ANKK1: variants seen among roughly 807,000 people sequenced by gnomAD.
ANKK1 encodes the protein ankyrin repeat and kinase domain containing 1.
A neutral mutation model predicts 37.6 loss-of-function variants in ANKK1; 37 were observed. The ratio of observed to expected loss-of-function variants is 0.98; its 90% CI spans 0.76 to 1.29. The LOEUF (loss-of-function observed/expected upper bound fraction) is 1.29. ANKK1 is among the 50% of genes most tolerant of loss of function. The pLI is 0.00. For missense variants in ANKK1, 1,019 were observed against 990.6 expected, an observed-to-expected ratio of 1.03 and a Z score of -0.39; for synonymous variants, 415 against 418.7, an observed-to-expected ratio of 0.99 and a Z score of 0.11.
At chr11:113,397,918 G>A (rs1467518725) in intron 6 of ANKK1, 62 bp from the exon 7 acceptor site, 6 of 1,526,262 alleles carry the variant, frequency 3.9e-6, no homozygotes, top group African/African-American at 1.4e-5. Flanking sequence ...AGGAGGGGAG[G>A]AGGGCACAGG....
chr11:113,393,915 A>C (rs1310304091), intron 2 of ANKK1, 140 bp downstream of exon 2: 1 of 1,079,382 alleles, frequency 9.3e-7, no homozygotes, highest in African/African-American at 1.6e-5. Context: ...CAGGGATCAC[A>C]CTGCAATAGA....
In ANKK1 at chr11:113,400,176, G is replaced by T; in HGVS notation, c.2207G>T (p.Arg736Leu). The T allele has an allele frequency of 6.3e-7, 1 of 1,576,968 alleles. No individual in the cohort carries two copies. The highest frequency in any genetic ancestry group is 8.6e-7 in the Non-Finnish European group (1 of 1,162,168). ...CTPLQLALRS[R>L]KQGIMSFLEG... is the part of the protein sequence containing the mutation. Reference sequence around the variant, plus strand: ...CCCCTGCAACTGGCCCTCCGCAGCCGAAAGCAGGGCATCATGTCCTTCCTA... The same window carrying T: ...CCCCTGCAACTGGCCCTCCGCAGCCTAAAGCAGGGCATCATGTCCTTCCTA... The change falls in exon 8 of 8, where the codon CGA (arginine) becomes CTA (leucine). Residue 736 changes from arginine to leucine, a missense_variant. By Grantham distance (102) the Arg-to-Leu change is moderately radical (BLOSUM62 -2). Coordinates refer to ENST00000303941, the MANE Select transcript of ANKK1 (RefSeq NM_178510.2).
At chr11:113,394,307 C>T (rs1202719869) in intron 2 of ANKK1, among the ~76,000 whole-genome samples, 1 of 152,150 alleles carries the variant, frequency 6.6e-6, no homozygotes, top group Non-Finnish European at 1.5e-5. Flanking sequence ...TTACTAACCC[C>T]AACATAGGTA....
At position 113,398,018 on chromosome 11, in the gene ANKK1, T is replaced by C. The variant is rs1304086178; in HGVS notation, c.994+2T>C. ...TCAGCCAGGAACTGATGGACAGTGGTGAGTCTGGGTGCCACGGGCGGGACC... is the reference window on the plus strand; with the variant it reads ...TCAGCCAGGAACTGATGGACAGTGGCGAGTCTGGGTGCCACGGGCGGGACC... On this transcript the variant is annotated splice_donor_variant, in intron 7 of 7. Coordinates refer to ENST00000303941, the MANE Select transcript of ANKK1 (RefSeq NM_178510.2). LOFTEE classifies it high-confidence loss of function. The C allele has an allele frequency of 6.4e-7, 1 of 1,565,202 alleles. No homozygotes were observed. Among genetic ancestry groups the C allele is most frequent in the Non-Finnish European group, 8.7e-7 (1 of 1,154,476 alleles).
chr11:113,397,189 C>T lies in ANKK1; in HGVS notation c.839-35C>T, dbSNP rs534920143. 1.2e-4 allele frequency: 191 copies of T among 1,575,858 alleles called. 3 individuals are homozygous for T. The South Asian group carries it at 2.0e-3, about 17-fold the overall frequency. ...GAGGGTACTGTGGGCCAGCCCGTTGCTTCCTTTCCTGTCTTTCTCCCACTC... is the reference window on the plus strand; with the variant it reads ...GAGGGTACTGTGGGCCAGCCCGTTGTTTCCTTTCCTGTCTTTCTCCCACTC... On this transcript the variant is annotated intron_variant, in intron 5 of 7. Coordinates refer to ENST00000303941, the MANE Select transcript of ANKK1 (RefSeq NM_178510.2).
chr11:113,397,388 G>A, intron 6 of ANKK1, 46 bp downstream of exon 6: 1 of 1,520,320 alleles, frequency 6.6e-7, no homozygotes, highest in East Asian at 2.3e-5. Flanking sequence ...CTAAGCTGGA[G>A]CCCGCTGTGT....
intron 7 of ANKK1, among the ~76,000 whole-genome samples, chr11:113,398,725 T>G (rs74713388): frequency 1.3e-5 from 2 of 152,176 alleles, no homozygotes; most frequent in Admixed American, 1.3e-4. Context: ...CTGAGCCCAC[T>G]GCTCTTTCTG....
At chr11:113,388,520 G>A (rs1013995828) in intron 1 of ANKK1, among the ~76,000 whole-genome samples, 8 of 152,174 alleles carry the variant, frequency 5.3e-5, no homozygotes, top group Admixed American at 1.3e-4. Context: ...GATCTGCAGG[G>A]AATCATGTTC....
At chr11:113,388,216 T>TGG in intron 1 of ANKK1, 147 bp downstream of exon 1, 3 of 1,125,912 alleles carry the variant, frequency 2.7e-6, no homozygotes, top group Non-Finnish European at 3.6e-6. Flanking sequence ...CCCAGTAGCC[T>TGG]GAGCCTCCCA....
rs561438663 is a variant in ANKK1, at chr11:113,399,144, C to A, written c.1175C>A (p.Thr392Lys). The part of the protein sequence containing the change: ...LAHEVDVDCQ[T>K]ASGYTPLLIA... ...CACGAGGTAGACGTGGACTGCCAGA[C>A]GGCCTCTGGATACACGCCCCTCCTG... Residue 392 changes from threonine to lysine, a missense_variant, in exon 8 of 8, where the codon ACG (threonine) becomes AAG (lysine). Physicochemically the swap from Thr to Lys is moderately conservative, Grantham distance 78. Transcript: ENST00000303941. 6.3e-7 allele frequency: 1 copy of A among 1,595,032 alleles called. No homozygotes were observed. The highest frequency in any genetic ancestry group is 1.3e-5 in the African/African-American group (1 of 74,368).
rs1393582337 is a variant in ANKK1, at chr11:113,399,686, T to C, written c.1717T>C (p.Tyr573His). Reference protein sequence around the residue: ...PLHTAAARGKYLICKMLLRYG... With the variant: ...PLHTAAARGKHLICKMLLRYG... The stretch of plus-strand genomic sequence containing the variant: ...GCACACTGCAGCTGCCAGGGGCAAA[T>C]ACCTGATCTGCAAGATGCTGCTCAG... The change falls in exon 8 of 8, where the codon TAC becomes CAC. Residue 573 changes from tyrosine to histidine, a missense_variant. By Grantham distance (83) the Tyr-to-His change is moderately conservative (BLOSUM62 2). Transcript: ENST00000303941. 1.3e-6 allele frequency: 2 copies of C among 1,598,424 alleles called. No homozygotes were observed. Among genetic ancestry groups the C allele is most frequent in the Non-Finnish European group, 8.5e-7 (1 of 1,172,696 alleles).
Position 113,396,077 on chromosome 11 carries a change from G to A in ANKK1, c.693G>A (p.Met231Ile), listed in dbSNP as rs377018695. ...AGCCTCCCTTTGCAGGGTTCAACAT[G>A]ATGATGATTATTATCCGAGTGGCGG... ...TQKKPYSGFNMMMIIIRVAAG... is the reference protein window; with the variant it reads ...TQKKPYSGFNIMMIIIRVAAG... The change falls in exon 5 of 8, where the codon ATG (methionine) becomes ATA (isoleucine). Residue 231 changes from methionine to isoleucine, a missense_variant. Physicochemically the swap from Met to Ile is conservative, Grantham distance 10. Coordinates refer to ENST00000303941, the MANE Select transcript of ANKK1 (RefSeq NM_178510.2). The A allele has an allele frequency of 7.6e-5, 122 of 1,613,868 alleles. No individual in the cohort carries two copies. The highest frequency in any genetic ancestry group is 1.3e-4 in the Admixed American group (8 of 60,010).
chr11:113,400,215 C>G lies in ANKK1; in HGVS notation c.2246C>G (p.Pro749Arg). 12 of 1,552,744 alleles carry G rather than the reference C, an allele frequency of 7.7e-6. No individual in the cohort carries two copies. Among genetic ancestry groups the G allele is most frequent in the Non-Finnish European group, 1.0e-5 (12 of 1,148,598 alleles). The change falls in exon 8 of 8, where the codon CCG (proline) becomes CGG (arginine). Residue 749 changes from proline (P) to arginine (R), a missense_variant. By Grantham distance (103) the Pro-to-Arg change is moderately radical. Coordinates refer to ENST00000303941, the MANE Select transcript of ANKK1 (RefSeq NM_178510.2). ...GIMSFLEGKE[P>R]SVATLGGSKP... ...ATGTCCTTCCTAGAGGGCAAGGAGC[C>G]GTCAGTGGCCACTCTGGGTGGTTCT...
At chr11:113,388,632 C>T (rs1221126085) in intron 1 of ANKK1, among the ~76,000 whole-genome samples, 2 of 152,224 alleles carry the variant, frequency 1.3e-5, no homozygotes, top group East Asian at 3.8e-4. Flanking sequence ...TGTCCAGGCC[C>T]TTGGAGGGTC....
Position 113,393,522 on chromosome 11 carries a change from A to G in ANKK1, c.227A>G (p.Lys76Arg), listed in dbSNP as rs201185165. ...CTCATTGAAGAAGCTGCCAAAATGAAGAAGATCAAGTTTCAGCACATCGTG... is the reference window on the plus strand; with the variant it reads ...CTCATTGAAGAAGCTGCCAAAATGAGGAAGATCAAGTTTCAGCACATCGTG... Reference protein sequence around the residue: ...NYLIEEAAKMKKIKFQHIVSI... With the variant: ...NYLIEEAAKMRKIKFQHIVSI... Residue 76 changes from lysine to arginine, a missense_variant, in exon 2 of 8, where the codon AAG (lysine) becomes AGG (arginine). Physicochemically the swap from Lys to Arg is conservative, Grantham distance 26 (BLOSUM62 2). Transcript: ENST00000303941. 4.5e-4 allele frequency: 731 copies of G among 1,613,874 alleles called. 1 individual carries two copies. Among genetic ancestry groups the G allele is most frequent in the Non-Finnish European group, 5.5e-4 (648 of 1,179,798 alleles).
In ANKK1 at chr11:113,397,964, G is replaced by C. The variant is rs772652925; in HGVS notation, c.958-16G>C. 13 of 1,557,124 alleles carry C rather than the reference G, an allele frequency of 8.3e-6. No homozygotes were observed. The South Asian group carries it at 1.5e-4, about 18-fold the overall frequency. ...GCCACTGATCTCCACCCTGCCTGCTGGTTATGCCTCCCCAGGTTAATGAGG... is the reference window on the plus strand; with the variant it reads ...GCCACTGATCTCCACCCTGCCTGCTCGTTATGCCTCCCCAGGTTAATGAGG... On this transcript the variant is annotated splice_polypyrimidine_tract_variant and intron_variant, in intron 6 of 7. Coordinates refer to ENST00000303941, the MANE Select transcript of ANKK1 (RefSeq NM_178510.2).
chr11:113,394,623 C>T (rs774881460), intron 2 of ANKK1: 1 of 515,164 alleles, frequency 1.9e-6, no homozygotes, highest in Non-Finnish European at 3.8e-6. Context: ...CCTACCACAT[C>T]CTAACTACAT....
At chr11:113,392,653 T>C (rs1192087710) in intron 1 of ANKK1, among the ~76,000 whole-genome samples, 2 of 152,264 alleles carry the variant, frequency 1.3e-5, no homozygotes, top group Non-Finnish European at 2.9e-5. Flanking sequence ...TACAGTGAAA[T>C]GAGCAACAGG....
At chr11:113,395,267 G>A (rs1591261572) in intron 3 of ANKK1, 92 bp from the exon 4 acceptor site, 3 of 1,546,600 alleles carry the variant, frequency 1.9e-6, no homozygotes, top group East Asian at 4.6e-5. Flanking sequence ...CTGGGACTGT[G>A]TGAACTGTAG....
Sources: gnomAD v4.1 joint callset for allele counts (sites outside exome capture counted in the v4.1 genomes callset) on GRCh38, gnomAD v4.1.1 for gene constraint, MANE v1.5 for transcripts, NCBI Gene and HGNC (gene_info 2026-07-23, HGNC 2026-07-21) for gene names.